CSMD1: variants seen among roughly 807,000 people sequenced by gnomAD.
CSMD1 encodes CUB and Sushi multiple domains 1, also known as CUB and sushi domain-containing protein 1.
In CSMD1, 213 loss-of-function variants were observed where a neutral mutation model predicts 417.5. That is an observed-to-expected ratio of 0.51 (90% CI 0.46 to 0.57). CSMD1 has a LOEUF of 0.57. Among genes scored for constraint, CSMD1 ranks in the 20% least tolerant of loss-of-function variants. The pLI, the probability that CSMD1 is intolerant of heterozygous loss-of-function variation, is 0.00. For synonymous variants in CSMD1, 2,862 were observed against 1,736.8 expected, an observed-to-expected ratio of 1.65 and a Z score of -16.11; for missense variants, 6,923 against 4,529.7, an observed-to-expected ratio of 1.53 and a Z score of -15.17.
chr8:4,874,402 T>TTG, intron 1 of CSMD1, among the ~76,000 whole-genome samples: 1 of 150,650 alleles, frequency 6.6e-6, no homozygotes, highest in South Asian at 2.1e-4. Context: ...TTTTTTTTTT[T>TTG]TTTCTGAGAC....
chr8:3,924,967 C>T (rs1377673800), intron 5 of CSMD1, among the ~76,000 whole-genome samples: 5 of 152,100 alleles, frequency 3.3e-5, no homozygotes, highest in Admixed American at 6.6e-5. Flanking sequence ...GCTTTCTTAG[C>T]ATTTGAAGCA....
At position 3,189,762 on chromosome 8, in the gene CSMD1, T is replaced by C. The variant is rs1426448735; in HGVS notation, c.5398+150A>G. 3 of 627,766 alleles carry C rather than the reference T, an allele frequency of 4.8e-6. No homozygotes were observed. The African/African-American group carries it at 5.6e-5, about 12-fold the overall frequency. The allele number at this position is 627,766 out of a possible 1,614,324, so 38.9% of individuals were successfully genotyped here. ...AACACAATAATTTTTAGGGTTTGGCTACTAACTCAATTACTTCCCATGAAA... is the reference window on the plus strand; with the variant it reads ...AACACAATAATTTTTAGGGTTTGGCCACTAACTCAATTACTTCCCATGAAA... On this transcript the variant is annotated intron_variant, in intron 34 of 69. Transcript: ENST00000635120.
chr8:3,318,026 C>T (rs967725322), intron 23 of CSMD1, among the ~76,000 whole-genome samples: 2 of 152,118 alleles, frequency 1.3e-5, no homozygotes, highest in African/African-American at 4.8e-5. Flanking sequence ...GGCTCAAAAC[C>T]CTGGGTTCAA....
intron 7 of CSMD1, among the ~76,000 whole-genome samples, chr8:3,693,167 G>C (rs771281404): frequency 1.3e-5 from 2 of 152,182 alleles, no homozygotes; most frequent in African/African-American, 2.4e-5. Context: ...TTGCTATAGT[G>C]AGTAAAATTG....
intron 3 of CSMD1, among the ~76,000 whole-genome samples, chr8:4,068,815 G>A (rs1585244708): frequency 6.6e-6 from 1 of 152,062 alleles, no homozygotes; most frequent in African/African-American, 2.4e-5. Flanking sequence ...ATGAATTCAT[G>A]GTATCAGTGA....
chr8:4,616,329 C>A (rs1801474555), intron 2 of CSMD1, among the ~76,000 whole-genome samples: 1 of 152,146 alleles, frequency 6.6e-6, no homozygotes, highest in Non-Finnish European at 1.5e-5. Flanking sequence ...AGGGAAGATG[C>A]CACCTACCTG....
chr8:3,812,126 A>C (rs757357357), intron 5 of CSMD1, among the ~76,000 whole-genome samples: 3 of 152,222 alleles, frequency 2.0e-5, no homozygotes, highest in African/African-American at 7.2e-5. Context: ...ACGGGTGTCC[A>C]TATTTGTATT....
chr8:4,878,729 A>G (rs1252413023), intron 1 of CSMD1, among the ~76,000 whole-genome samples: 1 of 151,954 alleles, frequency 6.6e-6, no homozygotes, highest in Non-Finnish European at 1.5e-5. Flanking sequence ...ACCCAGCAGT[A>G]TCTTTTGTGT....
chr8:3,726,130 C>A (rs913455553), intron 6 of CSMD1, among the ~76,000 whole-genome samples: 3 of 152,066 alleles, frequency 2.0e-5, no homozygotes, highest in African/African-American at 4.8e-5. Flanking sequence ...GAGGTCCCTG[C>A]CAACAGCCAT....
intron 2 of CSMD1, among the ~76,000 whole-genome samples, chr8:4,452,227 G>C (rs1440205355): frequency 1.3e-5 from 2 of 152,144 alleles, no homozygotes; most frequent in Non-Finnish European, 2.9e-5. Flanking sequence ...GCCTGAGACT[G>C]ATTCCAACAA....
intron 1 of CSMD1, among the ~76,000 whole-genome samples, chr8:4,942,024 T>C (rs1231758271): frequency 4.6e-5 from 7 of 152,206 alleles, no homozygotes; most frequent in Non-Finnish European, 8.8e-5. Flanking sequence ...TCTTCAAAAT[T>C]ACCCTGGGTA....
Position 3,528,662 on chromosome 8 carries a change from C to A in CSMD1, c.1345-34936G>T, listed in dbSNP as rs534897594. Among the ~76,000 whole-genome samples the A allele has an allele frequency of 1.3e-3, 197 of 152,246 alleles. 1 individual carries two copies. Among genetic ancestry groups the A allele is most frequent in the Admixed American group, 4.4e-3 (67 of 15,298 alleles). On this transcript the variant is annotated intron_variant, in intron 10 of 69. Coordinates refer to ENST00000635120, the MANE Select transcript of CSMD1 (RefSeq NM_033225.6). ...AATGTCTTGAAATTCTTCTTGATTT[C>A]TGGGACATGGTGGCTGCACCTCACA...
chr8:3,724,310 C>T (rs892090366), intron 6 of CSMD1, among the ~76,000 whole-genome samples: 7 of 151,962 alleles, frequency 4.6e-5, no homozygotes, highest in African/African-American at 1.2e-4. Context: ...AACTCGTCAT[C>T]TAGCATTAGG....
chr8:3,852,889 A>G (rs1804014445), intron 5 of CSMD1, among the ~76,000 whole-genome samples: 1 of 151,754 alleles, frequency 6.6e-6, no homozygotes, highest in South Asian at 2.1e-4. Context: ...GCAGGTTCCT[A>G]TTTCTCTCAT....
chr8:4,955,436 C>T (rs1032853456), intron 1 of CSMD1, among the ~76,000 whole-genome samples: 4 of 149,470 alleles, frequency 2.7e-5, no homozygotes, highest in East Asian at 2.0e-4. Context: ...TGCACTACTT[C>T]GACCGCAACT....
chr8:4,064,939 A>T (rs899861842), intron 3 of CSMD1, among the ~76,000 whole-genome samples: 1 of 152,148 alleles, frequency 6.6e-6, no homozygotes, highest in East Asian at 1.9e-4. Context: ...TAAAAAAAAA[A>T]ACCTTACCTC....
At chr8:4,190,174 G>T (rs1038720751) in intron 3 of CSMD1, among the ~76,000 whole-genome samples, 1 of 150,828 alleles carries the variant, frequency 6.6e-6, no homozygotes, top group Non-Finnish European at 1.5e-5. Context: ...CAAGAGAATG[G>T]CGTGAACCTG....
At chr8:4,588,616 C>G (rs1236502757) in intron 2 of CSMD1, among the ~76,000 whole-genome samples, 1 of 151,884 alleles carries the variant, frequency 6.6e-6, no homozygotes, top group African/African-American at 2.4e-5. Flanking sequence ...GAAACCCCAT[C>G]CCTACTAAAA....
At chr8:3,883,793 C>G (rs2627365) in intron 5 of CSMD1, among the ~76,000 whole-genome samples, 142,171 of 152,166 alleles carry the variant, frequency 0.93, 66,487 homozygotes, top group Middle Eastern at 0.98. Flanking sequence ...TTTAAATCTA[C>G]TTAAACAATC....
Sources: allele counts gnomAD v4.1 joint callset (sites outside exome capture counted in the v4.1 genomes callset), GRCh38; gene constraint gnomAD v4.1.1; transcripts MANE v1.5; gene names NCBI Gene and HGNC (gene_info 2026-07-23, HGNC 2026-07-21).